The following KHK variants were observed in gnomAD, a reference collection of about 807,000 sequenced individuals.
KHK encodes the protein ketohexokinase.
Under a neutral mutation model 36.0 loss-of-function variants are expected in KHK, and 37 were observed. That is an observed-to-expected ratio of 1.03 (90% CI 0.79 to 1.35). KHK has a LOEUF of 1.35. KHK is among the 40% of genes most tolerant of loss of function. The probability of loss-of-function intolerance (pLI) is 0.00; values close to 1 mark genes in which losing one functional copy is unlikely to be tolerated. For missense variants in KHK, 395 were observed against 391.9 expected (o/e 1.01, Z -0.07); for synonymous variants, 161 against 162.8 (o/e 0.99, Z 0.08).
At chr2:27,090,884 T>C (rs1209908613) in intron 1 of KHK, among the ~76,000 whole-genome samples, 1 of 151,760 alleles carries the variant, frequency 6.6e-6, no homozygotes, top group Non-Finnish European at 1.5e-5. Flanking sequence ...GAAGATGCCA[T>C]CTCTACGAAA....
Position 27,087,244 on chromosome 2 carries a change from C to T in KHK, c.-16C>T, listed in dbSNP as rs141761282. The T allele has an allele frequency of 6.4e-7, 1 of 1,573,432 alleles. No individual in the cohort carries two copies. Among genetic ancestry groups the T allele is most frequent in the Non-Finnish European group, 8.6e-7 (1 of 1,158,366 alleles). Reference sequence around the variant, plus strand: ...CCCCGTCAGCCGGGCGGGCAGGAAGCTCTGGGAGTAGCCTCATGGAAGAGA... The same window carrying T: ...CCCCGTCAGCCGGGCGGGCAGGAAGTTCTGGGAGTAGCCTCATGGAAGAGA... On this transcript the variant is annotated 5_prime_UTR_variant, in exon 1 of 8. Transcript: ENST00000260598.
Position 27,099,655 on chromosome 2 carries a change from C to T in KHK, c.812-10C>T, listed in dbSNP as rs1404666574. ...CACCTGGCTGACCTAGCTACTTGCC[C>T]CTCCTCCAGGGAGGAGCGTGCAGGA... On this transcript the variant is annotated splice_polypyrimidine_tract_variant and intron_variant, in intron 7 of 7. Transcript: ENST00000260598. 6.2e-7 allele frequency: 1 copy of T among 1,614,090 alleles called. No individual in the cohort carries two copies. Among genetic ancestry groups the T allele is most frequent in the African/African-American group, 1.3e-5 (1 of 75,050 alleles).
Position 27,096,818 on chromosome 2 carries a change from C to T in KHK, c.417+17C>T, listed in dbSNP as rs1159796584. The T allele has an allele frequency of 1.4e-5, 23 of 1,605,592 alleles. No individual in the cohort carries two copies. The East Asian group carries it at 4.7e-4, about 33-fold the overall frequency. ...CACATTGAGGTAAGCCCTGCCTTACCTGTGTTTCAAGGGGCTCAACCTGCC... is the reference window on the plus strand; with the variant it reads ...CACATTGAGGTAAGCCCTGCCTTACTTGTGTTTCAAGGGGCTCAACCTGCC... On this transcript the variant is annotated intron_variant, in intron 4 of 7. Coordinates refer to ENST00000260598, the MANE Select transcript of KHK (RefSeq NM_006488.3).
intron 2 of KHK, chr2:27,094,525 A>G: frequency 6.2e-7 from 1 of 1,614,116 alleles, no homozygotes; most frequent in Non-Finnish European, 8.5e-7. Flanking sequence ...TACGCTACAC[A>G]GTCTTTCAGA....
chr2:27,097,590 TC>T lies in KHK; in HGVS notation c.507del (p.Val170TrpfsTer39), dbSNP rs1670444798. 6.2e-7 allele frequency: 1 copy of T among 1,613,916 alleles called. No individual in the cohort carries two copies. The highest frequency in any genetic ancestry group is 8.5e-7 in the Non-Finnish European group (1 of 1,180,054). On this transcript the variant is annotated frameshift_variant, in exon 5 of 8. Transcript: ENST00000260598. LOFTEE classifies it high-confidence loss of function. ...RQPPEQKIRV[S>X]VEVEKPREEL... Reference sequence around the variant, plus strand: ...GCCTCCAGAGCAGAAGATCCGGGTGTCCGTGGAGGTGGAGAAGCCACGAGAG... The same window carrying T: ...GCCTCCAGAGCAGAAGATCCGGGTGTCGTGGAGGTGGAGAAGCCACGAGAG...
At chr2:27,089,558 T>C (rs1219095421) in intron 1 of KHK, among the ~76,000 whole-genome samples, 1 of 152,182 alleles carries the variant, frequency 6.6e-6, no homozygotes, top group African/African-American at 2.4e-5. Context: ...GCACCCACAC[T>C]GATGGGGCAG....
At chr2:27,094,457 G>A (rs747821283) in intron 2 of KHK, 31 of 1,612,040 alleles carry the variant, frequency 1.9e-5, no homozygotes, top group Non-Finnish European at 2.5e-5. Context: ...CACCCCCTTC[G>A]GGTTACTCCG....
In KHK at chr2:27,099,211, G is replaced by T. The variant is rs767761539; in HGVS notation, c.580G>T (p.Asp194Tyr). Residue 194 changes from aspartate (D) to tyrosine (Y), a missense_variant, in exon 6 of 8, where the codon GAT becomes TAT. Transcript: ENST00000260598. Reference protein sequence around the residue: ...GYGDVVFVSKDVAKHLGFQSA... With the variant: ...GYGDVVFVSKYVAKHLGFQSA... Reference sequence around the variant, plus strand: ...CTGCCCACAGGTGTTTGTCAGCAAAGATGTGGCCAAGCACTTGGGGTTCCA... The same window carrying T: ...CTGCCCACAGGTGTTTGTCAGCAAATATGTGGCCAAGCACTTGGGGTTCCA... 3.7e-6 allele frequency: 6 copies of T among 1,614,156 alleles called. No homozygotes were observed. Among genetic ancestry groups the T allele is most frequent in the Admixed American group, 1.7e-5 (1 of 60,024 alleles).
At chr2:27,097,066 C>T (rs1031420255) in intron 4 of KHK, among the ~76,000 whole-genome samples, 2 of 152,228 alleles carry the variant, frequency 1.3e-5, no homozygotes, top group African/African-American at 4.8e-5. Flanking sequence ...CGGGCTGCCC[C>T]ATTGCCTCCA....
intron 1 of KHK, among the ~76,000 whole-genome samples, chr2:27,089,848 C>T (rs778249020): frequency 6.6e-6 from 1 of 152,138 alleles, no homozygotes; most frequent in Non-Finnish European, 1.5e-5. Context: ...ACCCCTGGGA[C>T]GTGTCCTTTT....
intron 3 of KHK, among the ~76,000 whole-genome samples, chr2:27,095,699 G>A (rs1473970014): frequency 6.6e-6 from 1 of 152,208 alleles, no homozygotes; most frequent in Non-Finnish European, 1.5e-5. Flanking sequence ...GGCTGAGAGG[G>A]CCCAAGCCCA....
At chr2:27,098,164 G>C (rs774396458) in intron 5 of KHK, among the ~76,000 whole-genome samples, 2 of 152,128 alleles carry the variant, frequency 1.3e-5, no homozygotes, top group Non-Finnish European at 2.9e-5. Flanking sequence ...AAGTTGGTTG[G>C]AGACCATCCA....
intron 2 of KHK, 197 bp from the exon 3 acceptor site, chr2:27,094,603 C>A (rs1257536284): frequency 6.2e-7 from 1 of 1,614,170 alleles, no homozygotes; most frequent in South Asian, 1.1e-5. Context: ...CCATCCTATA[C>A]TATGACAGGT....
chr2:27,090,441 CTTT>C (rs1261416688), intron 1 of KHK, among the ~76,000 whole-genome samples: 3 of 131,546 alleles, frequency 2.3e-5, no homozygotes, highest in Non-Finnish European at 3.3e-5. Flanking sequence ...TCTTTTTTTT[CTTT>C]TTTCTTTCTT....
chr2:27,099,760 C>A lies in KHK; in HGVS notation c.*10C>A, dbSNP rs774645800. ...TGATGGCATCGTGTGAGAGCAGGTGCCGGCTCCTCACACACCATGGAGACT... is the reference window on the plus strand; with the variant it reads ...TGATGGCATCGTGTGAGAGCAGGTGACGGCTCCTCACACACCATGGAGACT... On this transcript the variant is annotated 3_prime_UTR_variant, in exon 8 of 8. Transcript: ENST00000260598. The A allele has an allele frequency of 7.4e-6, 12 of 1,613,236 alleles. No individual in the cohort carries two copies. The East Asian group carries it at 2.5e-4, about 33-fold the overall frequency.
intron 3 of KHK, among the ~76,000 whole-genome samples, chr2:27,095,426 C>T (rs76986046): frequency 7.0e-4 from 106 of 152,274 alleles, no homozygotes; most frequent in East Asian, 9.7e-4. Flanking sequence ...ATCAGCCCCC[C>T]AAAGTTTCCA....
chr2:27,088,096 GTTC>G, intron 1 of KHK: 1 of 128,900 alleles, frequency 7.8e-6, no homozygotes, highest in Non-Finnish European at 1.7e-5. Context: ...TCAGTTGTTG[GTTC>G]TTTTTTTTTT....
intron 3 of KHK, among the ~76,000 whole-genome samples, chr2:27,096,479 G>A (rs542147108): frequency 6.6e-6 from 1 of 152,148 alleles, no homozygotes; most frequent in East Asian, 1.9e-4. Context: ...GACCTTGCCA[G>A]TTGACATGTG....
Position 27,094,864 on chromosome 2 carries a change from G to A in KHK, c.274G>A (p.Gly92Arg), listed in dbSNP as rs1471381970. The change falls in exon 3 of 8, where the codon GGG (glycine) becomes AGG (arginine). Residue 92 changes from glycine (G) to arginine (R), a missense_variant. Transcript: ENST00000260598. ...DVSQVAWQSKGDTPSSCCIIN... is the reference protein window; with the variant it reads ...DVSQVAWQSKRDTPSSCCIIN... Reference sequence around the variant, plus strand: ...GTCTCAGGTGGCCTGGCAGAGCAAGGGGGACACCCCCAGCTCCTGCTGCAT... The same window carrying A: ...GTCTCAGGTGGCCTGGCAGAGCAAGAGGGACACCCCCAGCTCCTGCTGCAT... The A allele has an allele frequency of 1.1e-5, 17 of 1,613,920 alleles. No homozygotes were observed. Among genetic ancestry groups the A allele is most frequent in the Non-Finnish European group, 1.4e-5 (16 of 1,180,052 alleles).
Sources: gnomAD v4.1 joint callset for allele counts (sites outside exome capture counted in the v4.1 genomes callset) on GRCh38, gnomAD v4.1.1 for gene constraint, MANE v1.5 for transcripts, NCBI Gene and HGNC (gene_info 2026-07-23, HGNC 2026-07-21) for gene names.